The following SLC44A1 variants were observed in gnomAD, a reference collection of about 807,000 sequenced individuals.
SLC44A1 encodes the protein solute carrier family 44 member 1, also known as choline transporter-like protein 1.
Under a neutral mutation model 79.3 loss-of-function variants are expected in SLC44A1, and 26 were observed. The observed-to-expected ratio is 0.33, with a 90% confidence interval of 0.24 to 0.46. The LOEUF (loss-of-function observed/expected upper bound fraction) is 0.46, where lower values mean the gene tolerates loss of function less well. Among genes scored for constraint, SLC44A1 ranks in the 20% least tolerant of loss-of-function variants. The pLI, the probability that SLC44A1 is intolerant of heterozygous loss-of-function variation, is 1.00. For missense variants in SLC44A1, 688 were observed against 798.1 expected, an observed-to-expected ratio of 0.86 and a Z score of 1.66; for synonymous variants, 263 against 286.2, an observed-to-expected ratio of 0.92 and a Z score of 0.82.
Position 105,396,046 on chromosome 9 carries a change from G to C in SLC44A1, c.*6990G>C. 1 of 985,274 alleles carries C rather than the reference G, an allele frequency of 1.0e-6. No individual in the cohort carries two copies. The highest frequency in any genetic ancestry group is 4.7e-5 in the South Asian group (1 of 21,278). The allele number at this position is 985,274 out of a possible 1,614,324, so 61.0% of individuals were successfully genotyped here. On this transcript the variant is annotated 3_prime_UTR_variant, in exon 16 of 16. Transcript: ENST00000374720. Reference sequence around the variant, plus strand: ...TTCCTGTAGTCTGTGCTCAGAACTTGGTTTTTGGCCCCTATTGTTTTTGCC... The same window carrying C: ...TTCCTGTAGTCTGTGCTCAGAACTTCGTTTTTGGCCCCTATTGTTTTTGCC...
chr9:105,284,052 C>T (rs1283209225), intron 1 of SLC44A1, among the ~76,000 whole-genome samples: 2 of 152,124 alleles, frequency 1.3e-5, no homozygotes, highest in Non-Finnish European at 2.9e-5. Context: ...AGAGTTCACT[C>T]TTCTAGGACC....
At chr9:105,421,797 C>T (rs1327232120) in intron 15 of SLC44A1, among the ~76,000 whole-genome samples, 2 of 152,062 alleles carry the variant, frequency 1.3e-5, no homozygotes, top group East Asian at 1.9e-4. Context: ...CCGTGTTAGC[C>T]AGGATAGTCT....
rs1014274372 is a variant in SLC44A1 at position 105,396,269 on chromosome 9, G to A, written c.*7213G>A. ...GACCACTGAATGCACTTCTAATAGA[G>A]CTTTAATCTAAAGAAGTTAGTTCAG... On this transcript the variant is annotated 3_prime_UTR_variant, in exon 16 of 16. Transcript: ENST00000374720. 1.6e-5 allele frequency: 16 copies of A among 984,996 alleles called. No individual in the cohort carries two copies. The highest frequency in any genetic ancestry group is 1.9e-5 in the Non-Finnish European group (16 of 829,702). The allele number at this position is 984,996 out of a possible 1,614,324, so 61.0% of individuals were successfully genotyped here.
At chr9:105,293,688 C>T (rs544271622) in intron 1 of SLC44A1, among the ~76,000 whole-genome samples, 1 of 152,310 alleles carries the variant, frequency 6.6e-6, no homozygotes, top group African/African-American at 2.4e-5. Context: ...TTGTTTATAA[C>T]ATATCACTTA....
chr9:105,406,064 T>C (rs890346835), intron 15 of SLC44A1, among the ~76,000 whole-genome samples: 1 of 152,124 alleles, frequency 6.6e-6, no homozygotes, highest in Non-Finnish European at 1.5e-5. Flanking sequence ...TTGTAAACAG[T>C]CTTGCTAAGG....
downstream of SLC44A1, among the ~76,000 whole-genome samples, chr9:105,399,366 A>G (rs944394775): frequency 1.3e-5 from 2 of 152,246 alleles, no homozygotes; most frequent in Admixed American, 6.5e-5. Context: ...CTTTCAGTCA[A>G]TCTCAGGTTG....
Position 105,393,596 on chromosome 9 carries a change from T to C in SLC44A1, c.*4540T>C. The C allele has an allele frequency of 1.0e-6, 1 of 961,588 alleles. No homozygotes were observed. Among genetic ancestry groups the C allele is most frequent in the Non-Finnish European group, 1.2e-6 (1 of 808,218 alleles). 59.6% of individuals were successfully genotyped at this position (961,588 alleles called of 1,614,324 possible). On this transcript the variant is annotated 3_prime_UTR_variant, in exon 16 of 16. Transcript: ENST00000374720. ...CAGTTTTTAAACTTACTGATTTCTG[T>C]GGAAAACCTTTCTTTTCTATAGAAA...
chr9:105,351,656 A>G (rs1006838185), intron 5 of SLC44A1, among the ~76,000 whole-genome samples: 2 of 142,938 alleles, frequency 1.4e-5, no homozygotes, highest in African/African-American at 5.2e-5. Context: ...GAAAGAAAGA[A>G]AGAAAGAAAG....
Position 105,390,581 on chromosome 9 carries a change from A to T in SLC44A1, c.*1525A>T, listed in dbSNP as rs567559053. The T allele has an allele frequency of 5.1e-6, 5 of 985,870 alleles. No individual in the cohort carries two copies. In the South Asian group the frequency reaches 1.4e-4, roughly 28 times the overall value. The allele number at this position is 985,870 out of a possible 1,614,324, so 61.1% of individuals were successfully genotyped here. A position where few individuals can be genotyped will look rare whatever the true frequency, so the allele number is the denominator to read the frequency against. ...CAAGTAATGTCACTAGGGCTTAATA[A>T]GCAGCCGTTTGCTAATGTGCTTCCT... On this transcript the variant is annotated 3_prime_UTR_variant, in exon 16 of 16. Transcript: ENST00000374720.
rs1002155846 is a variant in SLC44A1, at chr9:105,389,279, G to A, written c.*223G>A. ...TGTCAAACATGTACTCCTTTCATAC[G>A]GGTGGCTTTTACAAGGCAACTTCCG... is the stretch of plus-strand genomic sequence containing the variant. On this transcript the variant is annotated 3_prime_UTR_variant, in exon 16 of 16. Transcript: ENST00000374720. The A allele has an allele frequency of 1.2e-5, 15 of 1,213,220 alleles. No homozygotes were observed. The highest frequency in any genetic ancestry group is 6.2e-5 in the African/African-American group (4 of 64,138). The allele number at this position is 1,213,220 out of a possible 1,614,324, so 75.2% of individuals were successfully genotyped here.
At chr9:105,324,295 G>A (rs934553571) in intron 3 of SLC44A1, among the ~76,000 whole-genome samples, 5 of 151,236 alleles carry the variant, frequency 3.3e-5, no homozygotes, top group African/African-American at 7.3e-5. Context: ...CTGTGGTCTA[G>A]GTGGGAGTGC....
At chr9:105,408,567 A>T (rs1393373160) in intron 15 of SLC44A1, among the ~76,000 whole-genome samples, 1 of 152,068 alleles carries the variant, frequency 6.6e-6, no homozygotes, top group African/African-American at 2.4e-5. Flanking sequence ...ATGCCACCAC[A>T]TCTGGCTAAT....
At chr9:105,433,121 C>A (rs1829419115) in intron 15 of SLC44A1, among the ~76,000 whole-genome samples, 1 of 152,024 alleles carries the variant, frequency 6.6e-6, no homozygotes, top group African/African-American at 2.4e-5. Flanking sequence ...CATGGAGAAA[C>A]CCTGTCTCTA....
At chr9:105,417,853 A>AC (rs1564057526) in intron 15 of SLC44A1, among the ~76,000 whole-genome samples, 1 of 151,564 alleles carries the variant, frequency 6.6e-6, no homozygotes, top group African/African-American at 2.4e-5. Context: ...AAAAAAAAAA[A>AC]AAAAAACAAT....
chr9:105,436,253 T>C (rs1829462801), intron 15 of SLC44A1, among the ~76,000 whole-genome samples: 1 of 152,166 alleles, frequency 6.6e-6, no homozygotes, highest in Non-Finnish European at 1.5e-5. Flanking sequence ...GAAAGAACTT[T>C]TATCTTAACA....
Position 105,390,007 on chromosome 9 carries a change from T to C in SLC44A1, c.*951T>C. The C allele has an allele frequency of 1.4e-6, 2 of 1,409,592 alleles. 1 individual carries two copies. The highest frequency in any genetic ancestry group is 1.9e-6 in the Non-Finnish European group (2 of 1,080,400). The allele number at this position is 1,409,592 out of a possible 1,614,324, so 87.3% of individuals were successfully genotyped here. On this transcript the variant is annotated 3_prime_UTR_variant, in exon 16 of 16. Transcript: ENST00000374720. The stretch of plus-strand genomic sequence containing the variant: ...CGGCTTCAGAGTAACGTCAGTGGCT[T>C]AGGGTTAAACGGCCATTTTATTCAA...
At chr9:105,275,039 G>C (rs1830167340) in intron 1 of SLC44A1, among the ~76,000 whole-genome samples, 1 of 152,144 alleles carries the variant, frequency 6.6e-6, no homozygotes, top group Non-Finnish European at 1.5e-5. Flanking sequence ...TAACAATAAT[G>C]ATATAAAACA....
At chr9:105,327,519 GTGATCTGCCCACCTC>G (rs1826617505) in intron 3 of SLC44A1, among the ~76,000 whole-genome samples, 1 of 152,118 alleles carries the variant, frequency 6.6e-6, no homozygotes, top group Admixed American at 6.5e-5. Flanking sequence ...CTGACCTCAA[GTGATCTGCCCACCTC>G]GGCCTCCCAA....
At chr9:105,399,401 A>T (rs1402112440), downstream of SLC44A1, among the ~76,000 whole-genome samples, 1 of 152,208 alleles carries the variant, frequency 6.6e-6, no homozygotes, top group Non-Finnish European at 1.5e-5. Flanking sequence ...ACATTGGGAG[A>T]CAGGCTATTA....
Sources: allele counts gnomAD v4.1 joint callset (sites outside exome capture counted in the v4.1 genomes callset), GRCh38; gene constraint gnomAD v4.1.1; transcripts MANE v1.5; gene names NCBI Gene and HGNC (gene_info 2026-07-23, HGNC 2026-07-21).